AHI1: variants seen among roughly 807,000 people sequenced by gnomAD.
AHI1 encodes Abelson helper integration site 1.
Under a neutral mutation model 149.3 loss-of-function variants are expected in AHI1, and 123 were observed. That is an observed-to-expected ratio of 0.82 (90% CI 0.71 to 0.96). The LOEUF is 0.96. AHI1 is among the 40% of genes least tolerant of loss of function. AHI1 has a pLI of 0.00. For missense variants in AHI1, 1,439 were observed against 1,422.7 expected (o/e 1.01, Z -0.18); for synonymous variants, 475 against 459.8 (o/e 1.03, Z -0.42).
intron 16 of AHI1, among the ~76,000 whole-genome samples, chr6:135,431,810 G>A (rs992047958): frequency 6.6e-6 from 1 of 152,010 alleles, no homozygotes; most frequent in Admixed American, 6.6e-5. Context: ...TACCCACTCA[G>A]GAATATCTCA....
chr6:135,307,882 T>A (rs1484167823), intron 26 of AHI1, among the ~76,000 whole-genome samples: 1 of 152,078 alleles, frequency 6.6e-6, no homozygotes, highest in Non-Finnish European at 1.5e-5. Flanking sequence ...AAGAGGTGCA[T>A]CTAGTGGACA....
intron 5 of AHI1, among the ~76,000 whole-genome samples, chr6:135,478,186 A>C (rs1450970268): frequency 1.3e-5 from 2 of 152,208 alleles, no homozygotes; most frequent in African/African-American, 4.8e-5. Flanking sequence ...AAGATACCTG[A>C]AAATGTGGAA....
chr6:135,472,339 T>A (rs1194961423), intron 5 of AHI1, among the ~76,000 whole-genome samples: 1 of 152,244 alleles, frequency 6.6e-6, no homozygotes, highest in African/African-American at 2.4e-5. Flanking sequence ...CTTTTAGGAT[T>A]CATCCATGTT....
intron 13 of AHI1, among the ~76,000 whole-genome samples, chr6:135,445,006 A>G (rs1786944297): frequency 6.6e-6 from 1 of 152,250 alleles, no homozygotes; most frequent in South Asian, 2.1e-4. Flanking sequence ...ACTTCTCTGA[A>G]GCATATCTGA....
At chr6:135,364,311 G>C (rs1582835904) in intron 23 of AHI1, among the ~76,000 whole-genome samples, 1 of 151,434 alleles carries the variant, frequency 6.6e-6, no homozygotes, top group Admixed American at 6.6e-5. Context: ...GGGCAGAGAC[G>C]CTCCTCACTT....
At position 135,442,691 on chromosome 6, in the gene AHI1, G is replaced by C. The variant is rs375537062; in HGVS notation, c.1803C>G (p.His601Gln). 3 of 1,610,878 alleles carry C rather than the reference G, an allele frequency of 1.9e-6. No homozygotes were observed. Among genetic ancestry groups the C allele is most frequent in the Non-Finnish European group, 2.5e-6 (3 of 1,178,400 alleles). The change falls in exon 14 of 29, where the codon CAC (histidine) becomes CAG (glutamine). Residue 601 changes from histidine to glutamine, a missense_variant. Transcript: ENST00000265602. ...PGQACRIPNK[H>Q]LFSLNAGERG... ...GTTCTCCTGCATTTAGTGAGAAGAG[G>C]TGTTTGTTTGGGATACGGCAAGCCT...
At chr6:135,480,026 C>T (rs1793357097) in intron 5 of AHI1, among the ~76,000 whole-genome samples, 1 of 152,158 alleles carries the variant, frequency 6.6e-6, no homozygotes, top group Admixed American at 6.5e-5. Flanking sequence ...CCAGCCATGC[C>T]CCTCCAATAC....
intron 5 of AHI1, 121 bp from the exon 6 acceptor site, chr6:135,467,755 A>G (rs1791023596): frequency 1.7e-6 from 1 of 598,656 alleles, no homozygotes; most frequent in Admixed American, 3.3e-5. Flanking sequence ...TTTTACCTGG[A>G]CATAGTGATA....
chr6:135,392,059 T>TAG (rs1486323810), intron 23 of AHI1, among the ~76,000 whole-genome samples: 1 of 152,196 alleles, frequency 6.6e-6, no homozygotes, highest in African/African-American at 2.4e-5. Flanking sequence ...GAGAATATTT[T>TAG]AGCTCTCCTA....
At chr6:135,358,308 G>A (rs935703832) in intron 23 of AHI1, 121 bp from the exon 24 acceptor site, 3 of 861,816 alleles carry the variant, frequency 3.5e-6, no homozygotes, top group Admixed American at 4.3e-5. Context: ...CAAGAAAAAA[G>A]TCTCACTTGG....
chr6:135,310,388 G>A lies in AHI1; in HGVS notation c.3426+8131C>T, dbSNP rs144166065. Among the ~76,000 whole-genome samples, 366 of 152,296 alleles carry A rather than the reference G, an allele frequency of 2.4e-3. 4 individuals are homozygous for A. Among genetic ancestry groups the A allele is most frequent in the African/African-American group, 8.3e-3 (345 of 41,560 alleles). On this transcript the variant is annotated intron_variant, in intron 26 of 28. Transcript: ENST00000265602. ...CTGAGAGGCTGACAGATTTACCAAT[G>A]TAAAATTTTGCGTGTATGTGTGTTT...
chr6:135,382,479 G>T (rs778421085), intron 23 of AHI1, among the ~76,000 whole-genome samples: 3 of 152,098 alleles, frequency 2.0e-5, no homozygotes, highest in Non-Finnish European at 1.5e-5. Flanking sequence ...TTCATTTCCA[G>T]AAAACATTAC....
intron 13 of AHI1, among the ~76,000 whole-genome samples, chr6:135,444,293 T>C (rs191115594): frequency 6.6e-6 from 1 of 152,322 alleles, no homozygotes; most frequent in East Asian, 1.9e-4. Context: ...GTTATTTTTC[T>C]CACTCACCCG....
chr6:135,478,078 G>A (rs1346016248), intron 5 of AHI1, among the ~76,000 whole-genome samples: 2 of 152,194 alleles, frequency 1.3e-5, no homozygotes, highest in African/African-American at 4.8e-5. Context: ...TGGGATTACA[G>A]GCATGAGCCA....
At chr6:135,291,126 A>T (rs1782304833) in intron 27 of AHI1, among the ~76,000 whole-genome samples, 1 of 152,200 alleles carries the variant, frequency 6.6e-6, no homozygotes, top group Non-Finnish European at 1.5e-5. Flanking sequence ...ATTAGGAGAA[A>T]GAAAACACAA....
At chr6:135,386,103 A>G (rs943060676) in intron 23 of AHI1, among the ~76,000 whole-genome samples, 1 of 152,240 alleles carries the variant, frequency 6.6e-6, no homozygotes, top group Admixed American at 6.5e-5. Flanking sequence ...CTGGCCTACT[A>G]TAAGCAGTTC....
chr6:135,456,228 AT>A (rs1422621734), intron 9 of AHI1, among the ~76,000 whole-genome samples: 2 of 152,186 alleles, frequency 1.3e-5, no homozygotes, highest in Admixed American at 1.3e-4. Flanking sequence ...CTCCTTCAGA[AT>A]TTTGTAAGAG....
chr6:135,444,513 C>T (rs1012219813), intron 13 of AHI1, among the ~76,000 whole-genome samples: 1 of 152,172 alleles, frequency 6.6e-6, no homozygotes, highest in African/African-American at 2.4e-5. Flanking sequence ...AATACCCGCC[C>T]TTGTCCCTCC....
At chr6:135,451,534 T>A (rs186809268) in intron 11 of AHI1, among the ~76,000 whole-genome samples, 1 of 152,166 alleles carries the variant, frequency 6.6e-6, no homozygotes, top group Admixed American at 6.5e-5. Flanking sequence ...TCTAAAAAGC[T>A]TACAGTCTAA....
Sources: allele counts gnomAD v4.1 joint callset (sites outside exome capture counted in the v4.1 genomes callset), GRCh38; gene constraint gnomAD v4.1.1; transcripts MANE v1.5; gene names NCBI Gene and HGNC (gene_info 2026-07-23, HGNC 2026-07-21).